Variants in ESYT2 observed in about 807,000 individuals in gnomAD.
ESYT2 encodes the protein extended synaptotagmin 2, also known as extended synaptotagmin-2.
ESYT2 carries 54 observed loss-of-function variants against 107.2 expected under a neutral mutation model. The ratio of observed to expected loss-of-function variants is 0.50; its 90% CI spans 0.40 to 0.63. The LOEUF is 0.63. ESYT2 is among the 30% of genes least tolerant of loss of function. ESYT2 has a pLI of 0.00. For synonymous variants in ESYT2, 491 were observed against 434.1 expected, an observed-to-expected ratio of 1.13 and a Z score of -1.63; for missense variants, 1,020 against 1,094.5, an observed-to-expected ratio of 0.93 and a Z score of 0.96.
chr7:158,793,463 A>G (rs1436691287), intron 4 of ESYT2, among the ~76,000 whole-genome samples, 187 bp downstream of exon 4: 1 of 152,214 alleles, frequency 6.6e-6, no homozygotes, highest in Non-Finnish European at 1.5e-5. Flanking sequence ...ATGAATGGCA[A>G]TGATCAAGGC....
intron 20 of ESYT2, among the ~76,000 whole-genome samples, chr7:158,736,483 T>A (rs1455612811): frequency 6.6e-6 from 1 of 151,942 alleles, no homozygotes; most frequent in Non-Finnish European, 1.5e-5. Context: ...CCCCTGGGGG[T>A]GTCTCTGAGA....
intron 6 of ESYT2, 89 bp downstream of exon 6, chr7:158,787,915 A>AT (rs2129473224): frequency 1.9e-6 from 2 of 1,047,964 alleles, no homozygotes; most frequent in Non-Finnish European, 2.9e-6. Context: ...AGTTGATAAA[A>AT]TTTTGTTTCT....
chr7:158,763,893 T>C (rs773581085), intron 9 of ESYT2, among the ~76,000 whole-genome samples: 2 of 152,070 alleles, frequency 1.3e-5, no homozygotes, highest in Non-Finnish European at 2.9e-5. Context: ...TTAGCACCAC[T>C]CAGGGTAAGA....
chr7:158,810,296 T>C (rs1055098590), intron 1 of ESYT2, among the ~76,000 whole-genome samples: 21 of 152,226 alleles, frequency 1.4e-4, no homozygotes, highest in African/African-American at 4.6e-4. Flanking sequence ...ACTTGATAAA[T>C]GGCTACACAA....
chr7:158,767,525 G>A, intron 8 of ESYT2, 129 bp downstream of exon 8: 1 of 1,185,822 alleles, frequency 8.4e-7, no homozygotes, highest in Non-Finnish European at 1.2e-6. Flanking sequence ...AATAGTCAAT[G>A]CATCAAGACC....
intron 8 of ESYT2, among the ~76,000 whole-genome samples, chr7:158,766,844 TAAAC>T (rs1838180959): frequency 6.6e-6 from 1 of 152,210 alleles, no homozygotes; most frequent in South Asian, 2.1e-4. Context: ...CAGACAGACT[TAAAC>T]AGACATGGGA....
intron 14 of ESYT2, 134 bp from the exon 15 acceptor site, chr7:158,749,857 C>A: frequency 2.6e-6 from 2 of 773,508 alleles, no homozygotes; most frequent in South Asian, 1.9e-5. Context: ...TATCTGGGAA[C>A]AATTTAATGG....
At chr7:158,815,782 T>C (rs1249062622) in intron 1 of ESYT2, among the ~76,000 whole-genome samples, 2 of 152,218 alleles carry the variant, frequency 1.3e-5, no homozygotes, top group Non-Finnish European at 2.9e-5. Context: ...AACCTTAGTA[T>C]TGAATCCAAG....
Position 158,739,014 on chromosome 7 carries a change from AG to A in ESYT2, c.2267+8del. On this transcript the variant is annotated splice_region_variant and intron_variant, in intron 19 of 22. Coordinates refer to ENST00000275418, the MANE Select transcript of ESYT2 (RefSeq NM_001367773.1). ...CACAGCAGCGGGCGCGTGGGACCCC[AG>A]CCCCCACCTGCAGGCATGCACGACC... 1 of 1,613,100 alleles carries A rather than the reference AG, an allele frequency of 6.2e-7. No homozygotes were observed. Among genetic ancestry groups the A allele is most frequent in the Non-Finnish European group, 8.5e-7 (1 of 1,179,184 alleles).
At chr7:158,799,761 A>T (rs2129473585) in intron 1 of ESYT2, among the ~76,000 whole-genome samples, 1 of 152,130 alleles carries the variant, frequency 6.6e-6, no homozygotes, top group South Asian at 2.1e-4. Context: ...TCCCACCTTC[A>T]CCCAGATAGG....
intron 1 of ESYT2, among the ~76,000 whole-genome samples, chr7:158,814,612 TA>T (rs1030551125): frequency 2.0e-4 from 30 of 152,168 alleles, no homozygotes; most frequent in African/African-American, 5.5e-4. Flanking sequence ...TATATAAACT[TA>T]AAACACCCAG....
chr7:158,804,705 A>T (rs1438193429), intron 1 of ESYT2, among the ~76,000 whole-genome samples: 1 of 151,914 alleles, frequency 6.6e-6, no homozygotes, highest in African/African-American at 2.4e-5. Flanking sequence ...GAGGCGCGTG[A>T]CAAACCCGAA....
At chr7:158,764,897 G>A in intron 8 of ESYT2, 44 bp from the exon 9 acceptor site, 1 of 1,589,400 alleles carries the variant, frequency 6.3e-7, no homozygotes, top group Non-Finnish European at 8.6e-7. Flanking sequence ...TGGCTGGCTT[G>A]TTTAACTGGC....
At chr7:158,760,967 A>C (rs1837940348) in intron 11 of ESYT2, among the ~76,000 whole-genome samples, 1 of 152,186 alleles carries the variant, frequency 6.6e-6, no homozygotes, top group African/African-American at 2.4e-5. Flanking sequence ...CATTTATCTA[A>C]ATCTTACCCT....
In ESYT2 at chr7:158,804,968, T is replaced by C. The variant is rs779464703; in HGVS notation, c.331-5896A>G. Among the ~76,000 whole-genome samples, 33 of 152,158 alleles carry C rather than the reference T, an allele frequency of 2.2e-4. 1 individual carries two copies. Among genetic ancestry groups the C allele is most frequent in the Non-Finnish European group, 1.3e-4 (9 of 68,030 alleles). ...GAGCCACCTCTTCATATTATCAGAT[T>C]ACGATGAGAAAAAGTATTAGGGACA... On this transcript the variant is annotated intron_variant, in intron 1 of 22. Coordinates refer to ENST00000275418, the MANE Select transcript of ESYT2 (RefSeq NM_001367773.1).
chr7:158,796,028 G>A lies in ESYT2; in HGVS notation c.507+1914C>T, dbSNP rs144972000. ...GCCAGCAGCCTGGAGATCATGGGGT[G>A]TACACTGGTGCCCACTAACAGGTGG... is the stretch of plus-strand genomic sequence containing the variant. On this transcript the variant is annotated intron_variant, in intron 3 of 22. Transcript: ENST00000275418. Among the ~76,000 whole-genome samples the A allele has an allele frequency of 7.4e-4, 112 of 152,324 alleles. 1 individual carries two copies. The highest frequency in any genetic ancestry group is 2.7e-3 in the African/African-American group (111 of 41,564).
intron 13 of ESYT2, 61 bp from the exon 14 acceptor site, chr7:158,752,904 GT>G: frequency 8.9e-7 from 1 of 1,127,864 alleles, no homozygotes; most frequent in Non-Finnish European, 1.2e-6. Context: ...TGAAGTTTAT[GT>G]AAGGTTAAAG....
At chr7:158,803,876 CCA>C (rs1317104658) in intron 1 of ESYT2, among the ~76,000 whole-genome samples, 4 of 81,770 alleles carry the variant, frequency 4.9e-5, no homozygotes, top group African/African-American at 1.5e-4. Context: ...CAAACCCAAA[CCA>C]CGGAGAAGGG....
At chr7:158,781,893 A>G (rs1204424537) in intron 6 of ESYT2, among the ~76,000 whole-genome samples, 2 of 145,986 alleles carry the variant, frequency 1.4e-5, no homozygotes, top group Non-Finnish European at 3.0e-5. Flanking sequence ...AAGAACGAGA[A>G]CAAGTGTGAG....
Sources: allele counts gnomAD v4.1 joint callset (sites outside exome capture counted in the v4.1 genomes callset), GRCh38; gene constraint gnomAD v4.1.1; transcripts MANE v1.5; gene names NCBI Gene and HGNC (gene_info 2026-07-23, HGNC 2026-07-21).